The following MYOC variants were observed in gnomAD, a reference collection of about 807,000 sequenced individuals.
MYOC encodes the protein juvenile-onset open-angle glaucoma 1.
A neutral mutation model predicts 28.2 loss-of-function variants in MYOC; 29 were observed. The observed-to-expected ratio is 1.03, with a 90% CI of 0.77 to 1.40. The LOEUF (loss-of-function observed/expected upper bound fraction) is 1.40. Ranked by LOEUF, MYOC falls within the 40% of genes most tolerant of loss-of-function variation. The pLI is 0.00. For missense variants in MYOC, 569 were observed against 620.6 expected (o/e 0.92, Z 0.88); for synonymous variants, 240 against 245.6 (o/e 0.98, Z 0.21).
intron 1 of MYOC, among the ~76,000 whole-genome samples, chr1:171,645,944 C>T (rs1653191109): frequency 6.6e-6 from 1 of 152,236 alleles, no homozygotes; most frequent in African/African-American, 2.4e-5. Flanking sequence ...CTGGAATAAA[C>T]ATGAACTGCA....
chr1:171,645,998 GC>G (rs1324175508), intron 1 of MYOC, among the ~76,000 whole-genome samples: 4 of 152,340 alleles, frequency 2.6e-5, no homozygotes, highest in African/African-American at 9.6e-5. Flanking sequence ...TGACGGCAAG[GC>G]CAGTTCCCAT....
intron 1 of MYOC, among the ~76,000 whole-genome samples, chr1:171,639,782 C>T (rs1235019424): frequency 1.3e-5 from 2 of 150,180 alleles, no homozygotes; most frequent in African/African-American, 4.9e-5. Context: ...GAAATTCCAT[C>T]TTTACTAGAA....
intron 2 of MYOC, among the ~76,000 whole-genome samples, chr1:171,638,333 C>T (rs1213962573): frequency 6.6e-6 from 1 of 152,182 alleles, no homozygotes; most frequent in Non-Finnish European, 1.5e-5. Context: ...TCATCTTGCC[C>T]TGTGCAGCCC....
chr1:171,635,455 T>C lies in MYOC; in HGVS notation c.*470A>G, dbSNP rs1272668734. ...TTTTATTTCACAATGTAAAGGGTTA[T>C]GTGAGACCCAACTGTATTCTATCTG... is the stretch of plus-strand genomic sequence containing the variant. On this transcript the variant is annotated 3_prime_UTR_variant, in exon 3 of 3. Transcript: ENST00000037502. 2 of 259,682 alleles carry C rather than the reference T, an allele frequency of 7.7e-6. No homozygotes were observed. The highest frequency in any genetic ancestry group is 1.5e-5 in the Non-Finnish European group (2 of 133,068). The allele number at this position is 259,682 out of a possible 1,614,324, so 16.1% of individuals were successfully genotyped here.
In MYOC at chr1:171,636,463, C is replaced by T. The variant is rs1243570852; in HGVS notation, c.977G>A (p.Gly326Asp). 6.2e-7 allele frequency: 1 copy of T among 1,614,100 alleles called. No homozygotes were observed. The change falls in exon 3 of 3, where the codon GGT becomes GAT. Residue 326 changes from glycine to aspartate, a missense_variant. Physicochemically the swap from Gly to Asp is moderately conservative, Grantham distance 94 (BLOSUM62 -1). Transcript: ENST00000037502. ...HILPRPLEST[G>D]AVVYSGSLYF... ...GAGGCTCCCCGAGTACACCACAGCA[C>T]CCGTGCTTTCCAGTGGCCTAGGCAG...
In MYOC at chr1:171,652,056, G is replaced by T; in HGVS notation, c.556C>A (p.Pro186Thr). ...EVARLRRGQC[P>T]QTRDTARAVP... ...GCCCGAGCAGTGTCTCGGGTCTGGG[G>T]ACACTGGCCCCTTCTCAGCCTTGCT... Residue 186 changes from proline to threonine, a missense_variant, in exon 1 of 3, where the codon CCC (proline) becomes ACC (threonine). Coordinates refer to ENST00000037502, the MANE Select transcript of MYOC (RefSeq NM_000261.2). 6.2e-7 allele frequency: 1 copy of T among 1,614,180 alleles called. No individual in the cohort carries two copies. The highest frequency in any genetic ancestry group is 1.6e-4 in the Middle Eastern group (1 of 6,062).
chr1:171,638,658 A>T lies in MYOC; in HGVS notation c.669T>A (p.Pro223=), dbSNP rs1652991164. 4 of 1,614,108 alleles carry T rather than the reference A, an allele frequency of 2.5e-6. No individual in the cohort carries two copies. Among genetic ancestry groups the T allele is most frequent in the Non-Finnish European group, 1.7e-6 (2 of 1,180,026 alleles). ...QELKSELTEV[P]ASRILKESPS... Reference sequence around the variant, plus strand: ...GGCTCTCCTTCAAAATTCGGGAAGCAGGAACTTCAGTTAGCTCGGACTTCA... The same window carrying T: ...GGCTCTCCTTCAAAATTCGGGAAGCTGGAACTTCAGTTAGCTCGGACTTCA... The change falls in exon 2 of 3, where the codon CCT becomes CCA. Residue 223 remains proline, a synonymous_variant. Transcript: ENST00000037502.
chr1:171,651,897 T>C (rs1653361415), intron 1 of MYOC, 111 bp downstream of exon 1: 17 of 1,445,248 alleles, frequency 1.2e-5, no homozygotes, highest in Non-Finnish European at 1.5e-5. Flanking sequence ...TTGTGCTAGC[T>C]GTGCAGTCTC....
chr1:171,641,815 G>A (rs187792812), intron 1 of MYOC, among the ~76,000 whole-genome samples: 6 of 152,232 alleles, frequency 3.9e-5, no homozygotes, highest in South Asian at 2.1e-4. Context: ...CCCTGAGGCC[G>A]GAGCGCCTAC....
At chr1:171,640,865 T>C (rs1653059116) in intron 1 of MYOC, among the ~76,000 whole-genome samples, 1 of 151,954 alleles carries the variant, frequency 6.6e-6, no homozygotes, top group South Asian at 2.1e-4. Flanking sequence ...TAAAGCAAAA[T>C]TATGGAGACA....
intron 2 of MYOC, among the ~76,000 whole-genome samples, chr1:171,638,226 C>T (rs1412302284): frequency 6.6e-6 from 1 of 152,102 alleles, no homozygotes; most frequent in Non-Finnish European, 1.5e-5. Flanking sequence ...GTATACCTGT[C>T]CCTAAAATAA....
intron 1 of MYOC, among the ~76,000 whole-genome samples, chr1:171,651,716 T>C (rs964640878): frequency 6.6e-6 from 1 of 152,206 alleles, no homozygotes. Flanking sequence ...CTACTGCTCA[T>C]ATGCAGACAC....
intron 1 of MYOC, among the ~76,000 whole-genome samples, chr1:171,651,410 C>G (rs1653348640): frequency 6.6e-6 from 1 of 151,552 alleles, no homozygotes; most frequent in Non-Finnish European, 1.5e-5. Context: ...AAGAGCCTCT[C>G]AGAAAAAGCC....
rs1652929992 is a variant in MYOC, at chr1:171,636,621, G to T, written c.819C>A (p.Asp273Glu). The change falls in exon 3 of 3, where the codon GAC becomes GAA. Residue 273 changes from aspartate to glutamate, a missense_variant. By Grantham distance (45) the Asp-to-Glu change is conservative (BLOSUM62 2). Transcript: ENST00000037502. ...ITGKYGVWMR[D>E]PKPTYPYTQE... ...GGGTGTAGGGGTAGGTGGGCTTGGGGTCTCGCATCCACACACCATACTTGC... is the reference window on the plus strand; with the variant it reads ...GGGTGTAGGGGTAGGTGGGCTTGGGTTCTCGCATCCACACACCATACTTGC... The T allele has an allele frequency of 6.2e-7, 1 of 1,612,446 alleles. No homozygotes were observed. The highest frequency in any genetic ancestry group is 1.1e-5 in the South Asian group (1 of 91,044).
At chr1:171,643,988 A>AG (rs1244360795) in intron 1 of MYOC, among the ~76,000 whole-genome samples, 2 of 143,582 alleles carry the variant, frequency 1.4e-5, no homozygotes, top group African/African-American at 2.6e-5. Flanking sequence ...AAAAAAAAAA[A>AG]AAAAAGGAGT....
intron 1 of MYOC, among the ~76,000 whole-genome samples, chr1:171,651,350 C>A (rs2901559): frequency 0.83 from 121,313 of 146,928 alleles, 50,565 homozygotes; most frequent in African/African-American, 0.94. Context: ...CGCACCCCCC[C>A]CACACACACA....
At chr1:171,639,670 G>C (rs1365727473) in intron 1 of MYOC, among the ~76,000 whole-genome samples, 1 of 81,912 alleles carries the variant, frequency 1.2e-5, no homozygotes, top group South Asian at 4.4e-4. Context: ...AAAAAAAAGA[G>C]ACCGGGCACA....
At chr1:171,648,344 C>T (rs1455141791) in intron 1 of MYOC, among the ~76,000 whole-genome samples, 1 of 152,178 alleles carries the variant, frequency 6.6e-6, no homozygotes, top group Non-Finnish European at 1.5e-5. Flanking sequence ...CACAGCCCCT[C>T]TGAAGGGCTT....
chr1:171,650,055 G>A (rs1461673569), intron 1 of MYOC, among the ~76,000 whole-genome samples: 1 of 152,046 alleles, frequency 6.6e-6, no homozygotes, highest in Non-Finnish European at 1.5e-5. Context: ...AATATAATGG[G>A]ATGTTGCCCT....
Sources: gnomAD v4.1 joint callset for allele counts (sites outside exome capture counted in the v4.1 genomes callset) on GRCh38, gnomAD v4.1.1 for gene constraint, MANE v1.5 for transcripts, NCBI Gene and HGNC (gene_info 2026-07-23, HGNC 2026-07-21) for gene names.